SAMSN1: variants seen among roughly 807,000 people sequenced by gnomAD.
SAMSN1 encodes SAM domain-containing protein SAMSN-1.
Under a neutral mutation model 42.0 loss-of-function variants are expected in SAMSN1, and 31 were observed. The observed-to-expected ratio is 0.74, with a 90% CI of 0.55 to 1.00. The LOEUF (loss-of-function observed/expected upper bound fraction) is 1.00. Ranked by LOEUF, SAMSN1 falls within the 50% of genes least tolerant of loss-of-function variation. The pLI is 0.00. For synonymous variants in SAMSN1, 178 were observed against 151.9 expected (o/e 1.17, Z -1.26); for missense variants, 464 against 439.4 (o/e 1.06, Z -0.50).
chr21:14,557,545 G>A (rs1017853331), intron 2 of SAMSN1, among the ~76,000 whole-genome samples: 1 of 152,124 alleles, frequency 6.6e-6, no homozygotes, highest in Non-Finnish European at 1.5e-5. Context: ...TTTTTACCTG[G>A]TGTTTTCTTG....
intron 2 of SAMSN1, among the ~76,000 whole-genome samples, chr21:14,634,953 C>A (rs1398235005): frequency 1.3e-5 from 2 of 152,118 alleles, no homozygotes; most frequent in African/African-American, 4.8e-5. Flanking sequence ...CAATGATAGA[C>A]TGGAAAAGAA....
intron 6 of SAMSN1, chr21:14,594,132 A>G (rs1342862303): frequency 3.1e-6 from 2 of 638,854 alleles, no homozygotes; most frequent in Admixed American, 2.7e-5. Context: ...TCTTTAAAAA[A>G]CAAAACAAAA....
Position 14,510,336 on chromosome 21 carries a change from A to G in SAMSN1, c.535T>C (p.Tyr179His). 1.2e-6 allele frequency: 2 copies of G among 1,614,124 alleles called. No homozygotes were observed. The highest frequency in any genetic ancestry group is 1.7e-6 in the Non-Finnish European group (2 of 1,179,996). The change falls in exon 5 of 8, where the codon TAT (tyrosine) becomes CAT (histidine). Residue 179 changes from tyrosine (Y) to histidine (H), a missense_variant. By Grantham distance (83) the Tyr-to-His change is moderately conservative (BLOSUM62 2). Transcript: ENST00000400566. ...TTGATTTTGAGGGAGTCAGTGTCATAGGGACTTGGCGTGAAATCCGTATGC... is the reference window on the plus strand; with the variant it reads ...TTGATTTTGAGGGAGTCAGTGTCATGGGGACTTGGCGTGAAATCCGTATGC... The part of the protein sequence containing the change: ...RVHTDFTPSP[Y>H]DTDSLKIKKG...
chr21:14,501,222 T>G (rs2123690757), intron 5 of SAMSN1, among the ~76,000 whole-genome samples: 1 of 152,336 alleles, frequency 6.6e-6, no homozygotes, highest in Non-Finnish European at 1.5e-5. Flanking sequence ...TCACATAGTT[T>G]GATGACATGT....
chr21:14,621,529 A>G (rs1333049797), intron 2 of SAMSN1, among the ~76,000 whole-genome samples: 2 of 152,186 alleles, frequency 1.3e-5, no homozygotes, highest in East Asian at 3.8e-4. Flanking sequence ...TCCCATGCCC[A>G]TGGAGCCTCA....
intron 2 of SAMSN1, among the ~76,000 whole-genome samples, chr21:14,570,714 G>T (rs532772941): frequency 3.3e-5 from 5 of 152,094 alleles, no homozygotes; most frequent in Admixed American, 1.3e-4. Context: ...CATAGTTCAC[G>T]CCACCATCAT....
intron 2 of SAMSN1, among the ~76,000 whole-genome samples, chr21:14,639,860 C>T (rs551382615): frequency 1.3e-5 from 2 of 152,178 alleles, no homozygotes; most frequent in South Asian, 2.1e-4. Context: ...AAGTGGATCA[C>T]CTATTATTTC....
intron 2 of SAMSN1, among the ~76,000 whole-genome samples, chr21:14,621,454 C>T (rs1390817897): frequency 6.6e-6 from 1 of 152,186 alleles, no homozygotes. Flanking sequence ...CCTAATACTG[C>T]ACTTTTCCAA....
chr21:14,546,723 T>C (rs565218327), upstream of SAMSN1, among the ~76,000 whole-genome samples: 1 of 152,108 alleles, frequency 6.6e-6, no homozygotes, highest in African/African-American at 2.4e-5. Context: ...ATTTTTTCTT[T>C]TTTTGATACG....
At chr21:14,650,850 A>G (rs1983821902) in intron 1 of SAMSN1, among the ~76,000 whole-genome samples, 1 of 152,100 alleles carries the variant, frequency 6.6e-6, no homozygotes, top group South Asian at 2.1e-4. Context: ...AGACACTACA[A>G]CTGATAATGC....
intron 5 of SAMSN1, among the ~76,000 whole-genome samples, chr21:14,506,127 G>A (rs1230599425): frequency 5.3e-5 from 8 of 152,058 alleles, no homozygotes; most frequent in African/African-American, 1.4e-4. Context: ...AGGTCTGAAA[G>A]AGCCCAAATG....
intron 2 of SAMSN1, among the ~76,000 whole-genome samples, chr21:14,564,312 G>A (rs2123205056): frequency 6.6e-6 from 1 of 152,250 alleles, no homozygotes; most frequent in Admixed American, 6.5e-5. Context: ...AAGCCTAGAA[G>A]TAGATGAGAA....
At chr21:14,630,879 A>G (rs1353159120) in intron 2 of SAMSN1, among the ~76,000 whole-genome samples, 1 of 152,240 alleles carries the variant, frequency 6.6e-6, no homozygotes, top group Non-Finnish European at 1.5e-5. Flanking sequence ...AATATAAGAC[A>G]GAACAAAAAA....
At chr21:14,635,157 A>T (rs1290582838) in intron 2 of SAMSN1, among the ~76,000 whole-genome samples, 3 of 152,166 alleles carry the variant, frequency 2.0e-5, no homozygotes. Context: ...CAGGGAGGGG[A>T]ACAACACACA....
intron 1 of SAMSN1, among the ~76,000 whole-genome samples, chr21:14,646,882 C>T (rs969036804): frequency 1.1e-4 from 17 of 152,062 alleles, no homozygotes; most frequent in African/African-American, 4.1e-4. Context: ...ATTTGCAAAC[C>T]TCATGGTAAA....
intron 2 of SAMSN1, among the ~76,000 whole-genome samples, chr21:14,621,452 T>A (rs899327727): frequency 6.6e-6 from 1 of 152,144 alleles, no homozygotes; most frequent in Non-Finnish European, 1.5e-5. Flanking sequence ...ACCCTAATAC[T>A]GCACTTTTCC....
chr21:14,650,426 T>C (rs953638457), intron 1 of SAMSN1, among the ~76,000 whole-genome samples: 3 of 152,138 alleles, frequency 2.0e-5, no homozygotes, highest in African/African-American at 7.2e-5. Context: ...AATATGCTCC[T>C]GAGTGACCAG....
intron 3 of SAMSN1, among the ~76,000 whole-genome samples, chr21:14,514,971 G>C (rs139929083): frequency 4.6e-5 from 7 of 152,072 alleles, no homozygotes; most frequent in African/African-American, 1.7e-4. Context: ...GAGCATCCAG[G>C]AACAAGCCTC....
chr21:14,558,321 GACA>G (rs886658279), intron 2 of SAMSN1, among the ~76,000 whole-genome samples: 1 of 151,730 alleles, frequency 6.6e-6, no homozygotes, highest in African/African-American at 2.4e-5. Flanking sequence ...TGTTGAATTA[GACA>G]ACATGAGAAA....
Sources: allele counts gnomAD v4.1 joint callset (sites outside exome capture counted in the v4.1 genomes callset), GRCh38; gene constraint gnomAD v4.1.1; transcripts MANE v1.5; gene names NCBI Gene and HGNC (gene_info 2026-07-23, HGNC 2026-07-21).